NUP214: variants seen among roughly 807,000 people sequenced by gnomAD.
NUP214 encodes the protein nuclear pore complex protein Nup214.
Under a neutral mutation model 196.2 loss-of-function variants are expected in NUP214, and 79 were observed. The observed-to-expected ratio is 0.40, with a 90% CI of 0.34 to 0.49. The LOEUF (loss-of-function observed/expected upper bound fraction) is 0.49, where lower values mean the gene tolerates loss of function less well. Ranked by LOEUF, NUP214 falls within the 20% of genes least tolerant of loss-of-function variation. NUP214 has a pLI of 0.58. For synonymous variants in NUP214, 1,020 were observed against 990.5 expected, an observed-to-expected ratio of 1.03 and a Z score of -0.56; for missense variants, 2,468 against 2,539.0, an observed-to-expected ratio of 0.97 and a Z score of 0.60.
At chr9:131,153,584 G>A (rs1832338760) in intron 17 of NUP214, among the ~76,000 whole-genome samples, 1 of 152,184 alleles carries the variant, frequency 6.6e-6, no homozygotes, top group African/African-American at 2.4e-5. Context: ...GACAAACTAA[G>A]AGGAAAGCAT....
intron 21 of NUP214, chr9:131,167,171 G>T (rs1301365330): frequency 6.6e-6 from 1 of 151,940 alleles, no homozygotes; most frequent in Non-Finnish European, 1.5e-5. Flanking sequence ...TTTTCCTTCA[G>T]AGCTTTACTA....
chr9:131,201,183 C>T (rs1051751750), intron 29 of NUP214, among the ~76,000 whole-genome samples: 14 of 150,572 alleles, frequency 9.3e-5, no homozygotes, highest in Admixed American at 6.7e-5. Context: ...AAGAAATAAA[C>T]TTAGGCTGGG....
At chr9:131,217,315 A>G (rs982737891) in intron 31 of NUP214, among the ~76,000 whole-genome samples, 3 of 152,250 alleles carry the variant, frequency 2.0e-5, no homozygotes, top group Admixed American at 1.3e-4. Flanking sequence ...TTTGTTCTTT[A>G]GGTTTCAGTC....
At chr9:131,176,548 C>G (rs1389650325) in intron 23 of NUP214, among the ~76,000 whole-genome samples, 2 of 152,012 alleles carry the variant, frequency 1.3e-5, no homozygotes, top group Non-Finnish European at 2.9e-5. Context: ...AAGCTGGTCT[C>G]AAACTCCTGG....
intron 30 of NUP214, among the ~76,000 whole-genome samples, chr9:131,213,751 C>CTGTTGTTGTTGT (rs55661030): frequency 0.032 from 4,735 of 147,604 alleles, 91 homozygotes; most frequent in Admixed American, 0.038. Flanking sequence ...TGAATTGGTA[C>CTGTTGTTGTTGT]TGTTGTTGTT....
chr9:131,152,352 G>A lies in NUP214; in HGVS notation c.2436+458G>A, dbSNP rs908038218. On this transcript the variant is annotated intron_variant, in intron 17 of 35. Coordinates refer to ENST00000359428, the MANE Select transcript of NUP214 (RefSeq NM_005085.4). ...GCCCAGCTGGTCTTGAACTCCTGGG[G>A]TCAAGCAGTCCTCCTGCCTTGGCCT... Among the ~76,000 whole-genome samples the A allele has an allele frequency of 3.9e-5, 6 of 152,052 alleles. No homozygotes were observed. The South Asian group carries it at 1.0e-3, about 26-fold the overall frequency.
chr9:131,162,626 T>G (rs752512723), intron 18 of NUP214, among the ~76,000 whole-genome samples: 37 of 152,154 alleles, frequency 2.4e-4, no homozygotes, highest in Non-Finnish European at 3.8e-4. Context: ...TGAATATAAT[T>G]TACATTCAGA....
intron 31 of NUP214, among the ~76,000 whole-genome samples, chr9:131,222,338 C>T (rs937107934): frequency 6.6e-6 from 1 of 152,154 alleles, no homozygotes; most frequent in Non-Finnish European, 1.5e-5. Context: ...CTTTAATTTC[C>T]CTAGTTTGAC....
chr9:131,127,600 T>G lies in NUP214; in HGVS notation c.122T>G (p.Leu41Arg). Reference sequence around the variant, plus strand: ...GAATTGCCCAAGGAACGCTCGAGTCTGCTTGCTGTGTCCAACAAATATGGT... The same window carrying G: ...GAATTGCCCAAGGAACGCTCGAGTCGGCTTGCTGTGTCCAACAAATATGGT... ...PEELPKERSS[L>R]LAVSNKYGLV... is the part of the protein sequence containing the mutation. Residue 41 changes from leucine to arginine, a missense_variant, in exon 2 of 36, where the codon CTG becomes CGG. By Grantham distance (102) the Leu-to-Arg change is moderately radical. Around this residue, in one of 5 missense-constraint regions of NUP214, gnomAD observed 392 missense variants for 417.9 expected, o/e 0.94. Transcript: ENST00000359428. The G allele has an allele frequency of 6.2e-7, 1 of 1,614,214 alleles. No individual in the cohort carries two copies. The highest frequency in any genetic ancestry group is 2.2e-5 in the East Asian group (1 of 44,890).
Position 131,198,978 on chromosome 9 carries a change from A to G in NUP214, c.5484A>G (p.Thr1828=). ...GTGGTACCTCAGCTGCCACCACAAC[A>G]GCAGCAACCTCTGGGTTCAGCTTTT... is the stretch of plus-strand genomic sequence containing the variant. The part of the protein sequence containing the change: ...VFGGTSAATT[T]AATSGFSFCQ... The change falls in exon 29 of 36, where the codon ACA becomes ACG. Residue 1828 remains threonine, a synonymous_variant. Coordinates refer to ENST00000359428, the MANE Select transcript of NUP214 (RefSeq NM_005085.4). The G allele has an allele frequency of 1.9e-6, 3 of 1,611,046 alleles. No individual in the cohort carries two copies. The highest frequency in any genetic ancestry group is 2.5e-6 in the Non-Finnish European group (3 of 1,177,792).
chr9:131,230,990 A>G (rs1834861063), intron 34 of NUP214, among the ~76,000 whole-genome samples: 1 of 152,092 alleles, frequency 6.6e-6, no homozygotes, highest in African/African-American at 2.4e-5. Context: ...GCAAGACTCC[A>G]TTCTCTACAA....
intron 11 of NUP214, among the ~76,000 whole-genome samples, chr9:131,140,937 AG>A (rs1831893321): frequency 6.6e-6 from 1 of 152,190 alleles, no homozygotes; most frequent in African/African-American, 2.4e-5. Context: ...AGATGAAGGA[AG>A]GTCAACCAGA....
At chr9:131,176,406 C>T (rs2131003941) in intron 23 of NUP214, among the ~76,000 whole-genome samples, 1 of 152,014 alleles carries the variant, frequency 6.6e-6, no homozygotes, top group East Asian at 1.9e-4. Context: ...TCGCTGCAGC[C>T]TCCGTGATCT....
At chr9:131,154,855 G>A (rs931829478) in intron 17 of NUP214, among the ~76,000 whole-genome samples, 10 of 152,168 alleles carry the variant, frequency 6.6e-5, no homozygotes, top group East Asian at 3.9e-4. Context: ...GCACGCGCAC[G>A]CTCGCGTGTG....
intron 17 of NUP214, among the ~76,000 whole-genome samples, chr9:131,154,920 A>G (rs1832391560): frequency 6.6e-6 from 1 of 152,056 alleles, no homozygotes; most frequent in South Asian, 2.1e-4. Flanking sequence ...CTCGTTCCAT[A>G]TTTTTGCAAT....
chr9:131,215,831 T>C (rs1321782036), intron 31 of NUP214, among the ~76,000 whole-genome samples: 3 of 152,086 alleles, frequency 2.0e-5, no homozygotes, highest in Non-Finnish European at 4.4e-5. Flanking sequence ...CTTTAATATT[T>C]CTCACCTCTT....
chr9:131,165,826 C>G (rs966277153), intron 21 of NUP214, among the ~76,000 whole-genome samples: 7 of 152,160 alleles, frequency 4.6e-5, no homozygotes, highest in African/African-American at 1.4e-4. Flanking sequence ...TATAAGTGAA[C>G]CTTGAGGACA....
At position 131,197,849 on chromosome 9, in the gene NUP214, C is replaced by T. The variant is rs746959257; in HGVS notation, c.4355C>T (p.Pro1452Leu). 2 of 1,613,450 alleles carry T rather than the reference C, an allele frequency of 1.2e-6. No individual in the cohort carries two copies. The highest frequency in any genetic ancestry group is 2.2e-5 in the South Asian group (2 of 91,076). The change falls in exon 29 of 36, where the codon CCA becomes CTA. Residue 1452 changes from proline to leucine, a missense_variant. Coordinates refer to ENST00000359428, the MANE Select transcript of NUP214 (RefSeq NM_005085.4). ...CAACAGACCAATAGCACAGTGCCCC[C>T]ATCTGCCCCACCACCAACTACAGCT... The part of the protein sequence containing the change: ...GSQQTNSTVP[P>L]SAPPPTTAAT...
rs1242550241 is a variant in NUP214 at position 131,187,344 on chromosome 9, G to A, written c.3475G>A (p.Ala1159Thr). ...KTPHPVLTPVAANQAKQGSLI... is the reference protein window; with the variant it reads ...KTPHPVLTPVTANQAKQGSLI... ...ACCTCACCCAGTGTTGACCCCAGTG[G>A]CTGCTAACCAAGCCAAGCAGGTAAC... is the stretch of plus-strand genomic sequence containing the variant. Residue 1159 changes from alanine (A) to threonine (T), a missense_variant, in exon 25 of 36, where the codon GCT becomes ACT. This residue lies in a region of NUP214 where 1,801 missense variants were observed against 1,779.4 expected (regional missense o/e 1.01). Coordinates refer to ENST00000359428, the MANE Select transcript of NUP214 (RefSeq NM_005085.4). 6.2e-7 allele frequency: 1 copy of A among 1,612,382 alleles called. No homozygotes were observed. Among genetic ancestry groups the A allele is most frequent in the African/African-American group, 1.3e-5 (1 of 74,538 alleles).
Sources: allele counts gnomAD v4.1 joint callset (sites outside exome capture counted in the v4.1 genomes callset), GRCh38; gene constraint gnomAD v4.1.1; regional missense constraint gnomAD v4.1.1; transcripts MANE v1.5; gene names NCBI Gene and HGNC (gene_info 2026-07-23, HGNC 2026-07-21).